PTPRD: variants seen among roughly 807,000 people sequenced by gnomAD.
The protein encoded by PTPRD is protein tyrosine phosphatase receptor type D.
A neutral mutation model predicts 214.5 loss-of-function variants in PTPRD; 34 were observed. The ratio of observed to expected loss-of-function variants is 0.16; its 90% CI spans 0.12 to 0.21. The LOEUF (loss-of-function observed/expected upper bound fraction) is 0.21. PTPRD is among the 10% of genes least tolerant of loss of function. The pLI is 1.00. For synonymous variants in PTPRD, 1,128 were observed against 845.7 expected (o/e 1.33, Z -5.79); for missense variants, 2,545 against 2,398.7 (o/e 1.06, Z -1.27).
At chr9:8,491,713 T>C (rs997020977) in intron 27 of PTPRD, among the ~76,000 whole-genome samples, 1 of 148,810 alleles carries the variant, frequency 6.7e-6, no homozygotes, top group African/African-American at 2.5e-5. Flanking sequence ...AGTTTTGCCA[T>C]CTGTAATCCT....
At chr9:8,933,340 G>GTTTTGTTTTTTTTTTTTT (rs2098966631) in intron 11 of PTPRD, among the ~76,000 whole-genome samples, 19 of 80,426 alleles carry the variant, frequency 2.4e-4, no homozygotes, top group African/African-American at 9.6e-4. Context: ...CAACCTTGAG[G>GTTTTGTTTTTTTTTTTTT]TTTTTTTTTT....
chr9:10,428,779 G>A (rs1044786203), intron 2 of PTPRD, among the ~76,000 whole-genome samples: 6 of 152,036 alleles, frequency 3.9e-5, no homozygotes, highest in African/African-American at 1.4e-4. Context: ...CTGTATTTGT[G>A]AGGGGAATAT....
intron 5 of PTPRD, among the ~76,000 whole-genome samples, chr9:9,809,264 ATTTTT>A (rs58701533): frequency 8.5e-6 from 1 of 118,204 alleles, no homozygotes; most frequent in African/African-American, 3.1e-5. Flanking sequence ...GCCACAAGAG[ATTTTT>A]TTTTTTTTTT....
At chr9:8,729,570 T>A (rs2098632241) in intron 12 of PTPRD, among the ~76,000 whole-genome samples, 1 of 152,216 alleles carries the variant, frequency 6.6e-6, no homozygotes, top group Non-Finnish European at 1.5e-5. Context: ...TATCTGCTAA[T>A]CTATGAGTTT....
At chr9:9,751,105 T>A (rs2098514029) in intron 6 of PTPRD, among the ~76,000 whole-genome samples, 1 of 152,094 alleles carries the variant, frequency 6.6e-6, no homozygotes, top group Non-Finnish European at 1.5e-5. Context: ...TGCACACTCT[T>A]ATCCACACAA....
intron 10 of PTPRD, among the ~76,000 whole-genome samples, chr9:9,179,352 A>G (rs1035277080): frequency 1.3e-5 from 2 of 152,124 alleles, no homozygotes; most frequent in African/African-American, 4.8e-5. Flanking sequence ...CACCCCACAT[A>G]TTTCCAAATG....
At position 8,564,625 on chromosome 9, in the gene PTPRD, A is replaced by C. The variant is rs1233156902; in HGVS notation, c.353-35846T>G. The stretch of plus-strand genomic sequence containing the variant: ...TGAGGCAGGAGAATTGTTTGAACTT[A>C]GGAGGCGGAAGTTGTAGTGAGCCAA... On this transcript the variant is annotated intron_variant, in intron 14 of 45. Transcript: ENST00000381196. Among the ~76,000 whole-genome samples the C allele has an allele frequency of 2.0e-5, 3 of 152,136 alleles. No homozygotes were observed. The East Asian group carries it at 5.8e-4, about 29-fold the overall frequency.
chr9:8,349,438 G>A (rs1427031632), intron 39 of PTPRD, among the ~76,000 whole-genome samples: 1 of 152,068 alleles, frequency 6.6e-6, no homozygotes, highest in African/African-American at 2.4e-5. Flanking sequence ...CAAAATGAAG[G>A]ATTGTACTTC....
intron 3 of PTPRD, among the ~76,000 whole-genome samples, chr9:10,175,383 C>T (rs898240742): frequency 2.6e-5 from 4 of 152,064 alleles, no homozygotes; most frequent in African/African-American, 9.6e-5. Flanking sequence ...GAGTCTCATC[C>T]TATCAACAAG....
chr9:10,017,795 G>A (rs2096753786), intron 4 of PTPRD, among the ~76,000 whole-genome samples: 2 of 151,858 alleles, frequency 1.3e-5, no homozygotes, highest in Admixed American at 6.6e-5. Context: ...TGATATTTGG[G>A]AGAATTAATT....
chr9:8,323,462 A>G (rs1830472242), intron 44 of PTPRD, among the ~76,000 whole-genome samples: 1 of 152,220 alleles, frequency 6.6e-6, no homozygotes, highest in African/African-American at 2.4e-5. Flanking sequence ...ACCATTCTAT[A>G]TGCCATTAAA....
At chr9:9,705,584 TAAAG>T (rs2097584687) in intron 7 of PTPRD, among the ~76,000 whole-genome samples, 1 of 152,116 alleles carries the variant, frequency 6.6e-6, no homozygotes, top group Non-Finnish European at 1.5e-5. Flanking sequence ...AAGCATATAA[TAAAG>T]ATAGTAATAG....
At chr9:9,283,101 A>G (rs1948286462) in intron 9 of PTPRD, among the ~76,000 whole-genome samples, 1 of 151,292 alleles carries the variant, frequency 6.6e-6, no homozygotes, top group African/African-American at 2.4e-5. Flanking sequence ...GGAAGAATAC[A>G]TAGGAAAGCT....
chr9:10,534,574 A>C (rs966093026), intron 2 of PTPRD, among the ~76,000 whole-genome samples: 8 of 152,114 alleles, frequency 5.3e-5, no homozygotes, highest in Non-Finnish European at 7.4e-5. Context: ...AAGCATTTAG[A>C]TAGGAATTTC....
intron 11 of PTPRD, among the ~76,000 whole-genome samples, chr9:9,014,434 T>G (rs1354718877): frequency 1.3e-5 from 2 of 152,146 alleles, no homozygotes; most frequent in African/African-American, 4.8e-5. Context: ...TTTGAACTTT[T>G]CTACATACTA....
chr9:9,178,266 G>C (rs1348643), intron 10 of PTPRD, among the ~76,000 whole-genome samples: 142,212 of 152,040 alleles, frequency 0.94, 66,526 homozygotes, highest in South Asian at 0.97. Flanking sequence ...TAATTGCCTT[G>C]GTTTTCCTGC....
At chr9:10,297,277 CATT>C (rs1433880331) in intron 3 of PTPRD, among the ~76,000 whole-genome samples, 1 of 151,712 alleles carries the variant, frequency 6.6e-6, no homozygotes, top group Non-Finnish European at 1.5e-5. Flanking sequence ...CCATCTATAA[CATT>C]ATTTTTTTAA....
At chr9:9,592,633 A>G (rs1214660943) in intron 7 of PTPRD, among the ~76,000 whole-genome samples, 1 of 152,040 alleles carries the variant, frequency 6.6e-6, no homozygotes, top group African/African-American at 2.4e-5. Flanking sequence ...TACTCCTACA[A>G]GGAAGTGCCA....
intron 8 of PTPRD, among the ~76,000 whole-genome samples, chr9:9,426,666 C>A (rs115019331): frequency 0.019 from 2,964 of 152,192 alleles, 93 homozygotes; most frequent in African/African-American, 0.067. Context: ...CAGTAGGGGC[C>A]GACTGACACC....
Sources: allele counts gnomAD v4.1 joint callset (sites outside exome capture counted in the v4.1 genomes callset), GRCh38; gene constraint gnomAD v4.1.1; transcripts MANE v1.5; gene names NCBI Gene and HGNC (gene_info 2026-07-23, HGNC 2026-07-21).